Variants in ZNF570 observed in about 807,000 individuals in gnomAD.
The protein encoded by ZNF570 is zinc finger protein 570.
In ZNF570, 8 loss-of-function variants were observed where a neutral mutation model predicts 14.2. That is an observed-to-expected ratio of 0.56 (90% CI 0.33 to 1.02). The LOEUF is 1.02. ZNF570 is among the 50% of genes least tolerant of loss of function. ZNF570 has a pLI of 0.03. For synonymous variants in ZNF570, 202 were observed against 207.6 expected (o/e 0.97, Z 0.23); for missense variants, 559 against 624.9 (o/e 0.89, Z 1.12).
intron 1 of ZNF570, 110 bp from the exon 2 acceptor site, chr19:37,470,194 A>T (rs145889674): frequency 1.3e-5 from 12 of 932,516 alleles, no homozygotes; most frequent in Non-Finnish European, 2.0e-5. Flanking sequence ...TGCTCTCTCT[A>T]TTGGAGGGAA....
chr19:37,479,003 T>C (rs2042057118), intron 4 of ZNF570, among the ~76,000 whole-genome samples: 1 of 151,356 alleles, frequency 6.6e-6, no homozygotes, highest in South Asian at 2.1e-4. Flanking sequence ...ATTAGTCTCG[T>C]AAATTCTCTT....
chr19:37,469,644 G>A (rs2041920082), intron 1 of ZNF570, 87 bp downstream of exon 1: 6 of 1,341,246 alleles, frequency 4.5e-6, no homozygotes, highest in Non-Finnish European at 5.1e-6. Flanking sequence ...TGGCACCGTG[G>A]AATGTGAGGC....
rs754038270 is a variant in ZNF570 at position 37,484,685 on chromosome 19, G to A, written c.1063G>A (p.Glu355Lys). ...TCAACACCAGAGAGTTCATACAGGAGAGAAACCCTATGAATGTAATGTCTG... is the reference window on the plus strand; with the variant it reads ...TCAACACCAGAGAGTTCATACAGGAAAGAAACCCTATGAATGTAATGTCTG... ...IAQHQRVHTG[E>K]KPYECNVCGK... Residue 355 changes from glutamate (E) to lysine (K), a missense_variant, in exon 5 of 5, where the codon GAG (glutamate) becomes AAG (lysine). Physicochemically the swap from Glu to Lys is moderately conservative, Grantham distance 56 (BLOSUM62 1). Transcript: ENST00000330173. The A allele has an allele frequency of 1.2e-6, 2 of 1,614,108 alleles. No individual in the cohort carries two copies. Among genetic ancestry groups the A allele is most frequent in the Non-Finnish European group, 1.7e-6 (2 of 1,180,028 alleles).
chr19:37,469,084 T>C (rs1003769767), upstream of ZNF570: 66 of 1,030,112 alleles, frequency 6.4e-5, no homozygotes, highest in Non-Finnish European at 7.4e-5. Context: ...GCCCGTGTAG[T>C]GTGACGCTGG....
upstream of ZNF570, chr19:37,469,096 C>A (rs905164659): frequency 9.6e-6 from 10 of 1,043,614 alleles, no homozygotes; most frequent in Non-Finnish European, 1.2e-5. Flanking sequence ...TGACGCTGGG[C>A]CCCGTCCCTG....
At chr19:37,479,207 T>C (rs776849046) in intron 4 of ZNF570, among the ~76,000 whole-genome samples, 2 of 152,056 alleles carry the variant, frequency 1.3e-5, no homozygotes, top group Non-Finnish European at 2.9e-5. Context: ...TAAATATTTT[T>C]AGTTTTGATG....
At chr19:37,482,874 C>G (rs960185593) in intron 4 of ZNF570, among the ~76,000 whole-genome samples, 2 of 149,500 alleles carry the variant, frequency 1.3e-5, no homozygotes, top group South Asian at 2.2e-4. Context: ...CCCCTCCCCC[C>G]CTTTCTCCCT....
intron 2 of ZNF570, 30 bp downstream of exon 2, chr19:37,470,417 T>A (rs760075931): frequency 1.2e-6 from 2 of 1,603,204 alleles, no homozygotes; most frequent in Non-Finnish European, 1.7e-6. Context: ...ATTTCCTGAA[T>A]ACCTGTCTGC....
chr19:37,478,458 A>G (rs1214445866), intron 4 of ZNF570, among the ~76,000 whole-genome samples: 4 of 152,098 alleles, frequency 2.6e-5, no homozygotes, highest in African/African-American at 7.2e-5. Flanking sequence ...ATATTTTTAA[A>G]TATGTTTGGA....
upstream of ZNF570, chr19:37,467,869 C>T: frequency 6.5e-7 from 1 of 1,535,990 alleles, no homozygotes. Context: ...TTGATTCTGA[C>T]CTTGCAGTTT....
At chr19:37,473,216 G>A (rs562428033) in intron 2 of ZNF570, among the ~76,000 whole-genome samples, 29 of 152,286 alleles carry the variant, frequency 1.9e-4, no homozygotes, top group South Asian at 1.9e-3. Flanking sequence ...CAGCATTTCC[G>A]CCCACTTGAG....
chr19:37,483,336 C>T (rs2042108688), intron 4 of ZNF570, among the ~76,000 whole-genome samples: 1 of 152,144 alleles, frequency 6.6e-6, no homozygotes, highest in Non-Finnish European at 1.5e-5. Flanking sequence ...ATTCCTAGCT[C>T]TAATTTCATC....
chr19:37,477,288 C>CGTGTGTGT (rs71177457), intron 4 of ZNF570, among the ~76,000 whole-genome samples: 295 of 115,460 alleles, frequency 2.6e-3, no homozygotes, highest in African/African-American at 5.7e-3. Flanking sequence ...GGGAGGTTGT[C>CGTGTGTGT]GTGTGTGTGT....
chr19:37,470,075 C>T (rs779931862), intron 1 of ZNF570: 4 of 428,464 alleles, frequency 9.3e-6, no homozygotes, highest in Non-Finnish European at 1.7e-5. Flanking sequence ...TTACATTCCT[C>T]TGAGTCTGTA....
chr19:37,470,196 T>C (rs2041932272), intron 1 of ZNF570, 108 bp from the exon 2 acceptor site: 2 of 957,654 alleles, frequency 2.1e-6, no homozygotes, highest in African/African-American at 1.6e-5. Flanking sequence ...CTCTCTCTAT[T>C]GGAGGGAAGG....
chr19:37,485,013 A>G lies in ZNF570; in HGVS notation c.1391A>G (p.His464Arg), dbSNP rs779218290. The G allele has an allele frequency of 3.1e-6, 5 of 1,614,180 alleles. No homozygotes were observed. The highest frequency in any genetic ancestry group is 4.2e-6 in the Non-Finnish European group (5 of 1,180,036). Residue 464 changes from histidine to arginine, a missense_variant, in exon 5 of 5, where the codon CAT becomes CGT. By Grantham distance (29) the His-to-Arg change is conservative. Coordinates refer to ENST00000330173, the MANE Select transcript of ZNF570 (RefSeq NM_144694.5). The stretch of plus-strand genomic sequence containing the variant: ...TCCCTTACTCAACATCAGCGAGTTC[A>G]TACTGGAGAGAAACCTTATGAATGT... ...DSSLTQHQRV[H>R]TGEKPYECTV...
In ZNF570 at chr19:37,484,260, C is replaced by G; in HGVS notation, c.638C>G (p.Ala213Gly). The change falls in exon 5 of 5, where the codon GCA becomes GGA. Residue 213 changes from alanine (A) to glycine (G), a missense_variant. Transcript: ENST00000330173. ...LMAIKPKSVC[A>G]EKKLLKCNDC... is the part of the protein sequence containing the mutation. ...GCTATTAAGCCCAAGAGTGTCTGTG[C>G]AGAGAAGAAACTTTTGAAATGTAAT... 6.2e-7 allele frequency: 1 copy of G among 1,613,370 alleles called. No individual in the cohort carries two copies. The highest frequency in any genetic ancestry group is 8.5e-7 in the Non-Finnish European group (1 of 1,179,892).
chr19:37,468,397 CT>C (rs1244661255), upstream of ZNF570, among the ~76,000 whole-genome samples: 1 of 152,168 alleles, frequency 6.6e-6, no homozygotes, highest in African/African-American at 2.4e-5. Flanking sequence ...GTCTTAATAC[CT>C]TTAATAAAGA....
chr19:37,485,008 A>C lies in ZNF570; in HGVS notation c.1386A>C (p.Arg462=). 6.2e-7 allele frequency: 1 copy of C among 1,614,106 alleles called. No individual in the cohort carries two copies. The highest frequency in any genetic ancestry group is 8.5e-7 in the Non-Finnish European group (1 of 1,180,012). The change falls in exon 5 of 5, where the codon CGA becomes CGC. Residue 462 remains arginine, a synonymous_variant. Coordinates refer to ENST00000330173, the MANE Select transcript of ZNF570 (RefSeq NM_144694.5). The part of the protein sequence containing the change: ...SNDSSLTQHQ[R]VHTGEKPYEC... ...ACTCGTCCCTTACTCAACATCAGCG[A>C]GTTCATACTGGAGAGAAACCTTATG...
Sources: gnomAD v4.1 joint callset for allele counts (sites outside exome capture counted in the v4.1 genomes callset) on GRCh38, gnomAD v4.1.1 for gene constraint, MANE v1.5 for transcripts, NCBI Gene and HGNC (gene_info 2026-07-23, HGNC 2026-07-21) for gene names.